Variants in PLXNA4 observed in about 807,000 individuals in gnomAD.
PLXNA4 encodes plexin A4.
PLXNA4 carries 44 observed loss-of-function variants against 191.8 expected under a neutral mutation model. The ratio of observed to expected loss-of-function variants is 0.23; its 90% CI spans 0.18 to 0.29. PLXNA4 has a LOEUF of 0.29. Among genes scored for constraint, PLXNA4 ranks in the 10% least tolerant of loss-of-function variants. PLXNA4 has a pLI of 1.00. For synonymous variants in PLXNA4, 1,082 were observed against 1,009.5 expected (o/e 1.07, Z -1.36); for missense variants, 1,800 against 2,488.8 (o/e 0.72, Z 5.89).
At chr7:132,514,142 C>T (rs1798846845) in intron 1 of PLXNA4, among the ~76,000 whole-genome samples, 1 of 151,604 alleles carries the variant, frequency 6.6e-6, no homozygotes, top group Admixed American at 6.6e-5. Flanking sequence ...AGCTCTGCCT[C>T]CTGGGTTCAT....
At chr7:132,174,975 C>T in intron 20 of PLXNA4, 55 bp from the exon 21 acceptor site, 2 of 1,603,818 alleles carry the variant, frequency 1.2e-6, no homozygotes, top group South Asian at 2.2e-5. Flanking sequence ...CAGGAGTCAC[C>T]TCCATCTCAG....
At position 132,227,451 on chromosome 7, in the gene PLXNA4, C is replaced by T. The variant is rs1173254306; in HGVS notation, c.1882G>A (p.Gly628Arg). 15 of 1,614,152 alleles carry T rather than the reference C, an allele frequency of 9.3e-6. No individual in the cohort carries two copies. The highest frequency in any genetic ancestry group is 1.3e-5 in the Non-Finnish European group (15 of 1,180,026). ...KEVPRIITEN[G>R]DHHVVQLQLK... is the part of the protein sequence containing the mutation. ...TCAGCTGTGCCTCCGGGATGCTCAC[C>T]ATTCTCTGTGATGATCCGGGGCACC... The change falls in exon 7 of 32, where the codon GGG becomes AGG. Residue 628 changes from glycine to arginine, a missense_variant and splice_region_variant. Gly to Arg is a moderately radical substitution (Grantham distance 125). Coordinates refer to ENST00000321063, the MANE Select transcript of PLXNA4 (RefSeq NM_020911.2).
chr7:132,131,869 T>C (rs1372376320), intron 31 of PLXNA4, among the ~76,000 whole-genome samples: 1 of 152,214 alleles, frequency 6.6e-6, no homozygotes, highest in Non-Finnish European at 1.5e-5. Flanking sequence ...TCTCCCATGA[T>C]GTAAGGGCCA....
intron 1 of PLXNA4, among the ~76,000 whole-genome samples, chr7:132,558,536 G>A (rs966659949): frequency 1.3e-5 from 2 of 152,088 alleles, no homozygotes; most frequent in Non-Finnish European, 2.9e-5. Flanking sequence ...TTAAGTATTT[G>A]CCAAGAAGGC....
intron 3 of PLXNA4, among the ~76,000 whole-genome samples, chr7:132,481,439 G>A (rs954795247): frequency 6.6e-6 from 1 of 152,030 alleles, no homozygotes; most frequent in African/African-American, 2.4e-5. Context: ...CCTCGGATTA[G>A]ACCGTGTGAC....
chr7:132,493,711 A>ATGGATGGATAGG (rs1797892939), intron 2 of PLXNA4, among the ~76,000 whole-genome samples: 1 of 147,616 alleles, frequency 6.8e-6, no homozygotes, highest in Non-Finnish European at 1.5e-5. Flanking sequence ...AGGTGGATGG[A>ATGGATGGATAGG]TGGATGGATG....
intron 3 of PLXNA4, among the ~76,000 whole-genome samples, chr7:132,476,463 C>T (rs1024432239): frequency 4.6e-5 from 7 of 152,218 alleles, no homozygotes; most frequent in Non-Finnish European, 1.0e-4. Context: ...ATGCAATCTG[C>T]AGGATAGCTT....
intron 14 of PLXNA4, among the ~76,000 whole-genome samples, chr7:132,191,807 T>C (rs1451339416): frequency 2.0e-5 from 3 of 149,242 alleles, no homozygotes; most frequent in Non-Finnish European, 3.0e-5. Context: ...TCTCTATGTC[T>C]ATATCATATA....
rs190341365 is a variant in PLXNA4 at position 132,632,167 on chromosome 7, C to T, written c.-87+13761G>A. ...AGGAGAATTACTTGAACCCGGGAGG[C>T]GGAGGTTGCAGTGAGCTGAGATTGT... is the stretch of plus-strand genomic sequence containing the variant. On this transcript the variant is annotated intron_variant, in intron 2 of 4. Transcript: ENST00000378539. Among the ~76,000 whole-genome samples, 828 of 138,712 alleles carry T rather than the reference C, an allele frequency of 6.0e-3. 7 individuals are homozygous for T. Among genetic ancestry groups the T allele is most frequent in the Middle Eastern group, 0.031 (8 of 262 alleles). 91.0% of individuals were successfully genotyped at this position (138,712 alleles called of 152,430 possible). A position where few individuals can be genotyped will look rare whatever the true frequency, so the allele number is the denominator to read the frequency against.
In PLXNA4 at chr7:132,507,878, C is replaced by T. The variant is rs1320310676; in HGVS notation, c.816G>A (p.Lys272=). Residue 272 remains lysine, a synonymous_variant, in exon 2 of 32, where the codon AAG becomes AAA. Transcript: ENST00000321063. ...EMVSPPGSTT[K]EQVYTSKLVR... is the part of the protein sequence containing the mutation. Reference sequence around the variant, plus strand: ...CGAGCTTGGATGTATACACCTGCTCCTTGGTGGTGGAGCCTGGTGGAGACA... The same window carrying T: ...CGAGCTTGGATGTATACACCTGCTCTTTGGTGGTGGAGCCTGGTGGAGACA... 1 of 1,614,066 alleles carries T rather than the reference C, an allele frequency of 6.2e-7. No homozygotes were observed. The highest frequency in any genetic ancestry group is 1.7e-5 in the Admixed American group (1 of 60,008).
intron 3 of PLXNA4, among the ~76,000 whole-genome samples, chr7:132,329,214 C>A (rs991410703): frequency 3.9e-5 from 6 of 152,184 alleles, no homozygotes; most frequent in Admixed American, 2.0e-4. Context: ...CAAATGCCCC[C>A]ACTCCATGCC....
chr7:132,553,778 T>G (rs1412441609), intron 1 of PLXNA4, among the ~76,000 whole-genome samples: 1 of 152,154 alleles, frequency 6.6e-6, no homozygotes, highest in African/African-American at 2.4e-5. Flanking sequence ...GGGTCCCCAC[T>G]GATCTACATG....
chr7:132,559,394 A>G (rs1426815131), intron 1 of PLXNA4, among the ~76,000 whole-genome samples: 1 of 152,210 alleles, frequency 6.6e-6, no homozygotes, highest in African/African-American at 2.4e-5. Flanking sequence ...AATCCAGAGA[A>G]GAGGGTAGAT....
At chr7:132,407,467 T>A (rs1794268962) in intron 3 of PLXNA4, among the ~76,000 whole-genome samples, 1 of 152,180 alleles carries the variant, frequency 6.6e-6, no homozygotes, top group Non-Finnish European at 1.5e-5. Flanking sequence ...CATGCACACA[T>A]GCACATGCAC....
intron 1 of PLXNA4, among the ~76,000 whole-genome samples, chr7:132,549,864 G>A (rs1217668065): frequency 1.3e-5 from 2 of 152,022 alleles, no homozygotes; most frequent in South Asian, 2.1e-4. Context: ...TTTTGTGGAT[G>A]GGCAGACAAG....
At chr7:132,582,347 G>T (rs546278222) in intron 2 of PLXNA4, among the ~76,000 whole-genome samples, 4 of 152,162 alleles carry the variant, frequency 2.6e-5, no homozygotes, top group African/African-American at 9.7e-5. Context: ...TGGTTGCCAG[G>T]TGGTCTGAGT....
intron 1 of PLXNA4, among the ~76,000 whole-genome samples, chr7:132,544,143 C>A (rs547787642): frequency 6.6e-6 from 1 of 152,170 alleles, no homozygotes; most frequent in East Asian, 1.9e-4. Flanking sequence ...GTAGCTCAGA[C>A]AAGGGAAAGA....
At chr7:132,292,138 A>C (rs1188836346) in intron 4 of PLXNA4, among the ~76,000 whole-genome samples, 1 of 152,164 alleles carries the variant, frequency 6.6e-6, no homozygotes, top group Non-Finnish European at 1.5e-5. Context: ...AAGTTAGTTG[A>C]TCTCTCTGGA....
intron 3 of PLXNA4, among the ~76,000 whole-genome samples, chr7:132,307,121 T>G (rs772337201): frequency 2.6e-5 from 4 of 152,006 alleles, no homozygotes; most frequent in African/African-American, 9.7e-5. Flanking sequence ...AGGAGCTCCC[T>G]CACACCCCAG....
Sources: allele counts gnomAD v4.1 joint callset (sites outside exome capture counted in the v4.1 genomes callset), GRCh38; gene constraint gnomAD v4.1.1; transcripts MANE v1.5; gene names NCBI Gene and HGNC (gene_info 2026-07-23, HGNC 2026-07-21).